FRMD5: variants seen among roughly 807,000 people sequenced by gnomAD.
FRMD5 encodes the protein FERM domain containing 5.
In FRMD5, 20 loss-of-function variants were observed where a neutral mutation model predicts 69.0. The ratio of observed to expected loss-of-function variants is 0.29; its 90% CI spans 0.20 to 0.42. The LOEUF (loss-of-function observed/expected upper bound fraction) is 0.42. FRMD5 is among the 10% of genes least tolerant of loss of function. The pLI is 1.00. For synonymous variants in FRMD5, 271 were observed against 260.1 expected, an observed-to-expected ratio of 1.04 and a Z score of -0.40; for missense variants, 595 against 708.6, an observed-to-expected ratio of 0.84 and a Z score of 1.82.
intron 1 of FRMD5, among the ~76,000 whole-genome samples, chr15:44,094,010 T>C (rs1382019732): frequency 2.0e-5 from 3 of 152,164 alleles, no homozygotes; most frequent in Admixed American, 2.0e-4. Context: ...TCAAAGACCA[T>C]ACCTCCACAT....
chr15:43,880,594 C>G (rs2088498593), intron 13 of FRMD5, among the ~76,000 whole-genome samples: 1 of 152,232 alleles, frequency 6.6e-6, no homozygotes, highest in Admixed American at 6.5e-5. Flanking sequence ...TCTCCCTCTC[C>G]TCACCCTGAG....
intron 6 of FRMD5, 72 bp from the exon 7 acceptor site, chr15:43,902,334 G>T: frequency 1.6e-6 from 2 of 1,257,834 alleles, no homozygotes; most frequent in Non-Finnish European, 1.2e-6. Flanking sequence ...AACTCTCTAT[G>T]AAGATGTGCT....
At chr15:44,082,092 A>G (rs1396431122) in intron 1 of FRMD5, among the ~76,000 whole-genome samples, 1 of 152,014 alleles carries the variant, frequency 6.6e-6, no homozygotes, top group African/African-American at 2.4e-5. Context: ...TTTTATTTTT[A>G]TAAATACCAA....
chr15:44,168,447 A>G (rs542142387), intron 1 of FRMD5, among the ~76,000 whole-genome samples: 1 of 152,342 alleles, frequency 6.6e-6, no homozygotes, highest in South Asian at 2.1e-4. Context: ...AGACTTGCTC[A>G]GTGCCAAATT....
At chr15:44,121,800 G>C (rs781154202) in intron 1 of FRMD5, among the ~76,000 whole-genome samples, 7 of 151,958 alleles carry the variant, frequency 4.6e-5, no homozygotes, top group Non-Finnish European at 1.0e-4. Flanking sequence ...TTCGAGACCA[G>C]CCTGGCCAAT....
At chr15:44,108,274 G>A (rs1366248157) in intron 1 of FRMD5, among the ~76,000 whole-genome samples, 1 of 152,148 alleles carries the variant, frequency 6.6e-6, no homozygotes, top group Non-Finnish European at 1.5e-5. Context: ...GAGAGGCTGA[G>A]GTGGAAGGAT....
At chr15:43,991,187 G>A (rs1444593470) in intron 1 of FRMD5, among the ~76,000 whole-genome samples, 4 of 152,202 alleles carry the variant, frequency 2.6e-5, no homozygotes, top group African/African-American at 7.2e-5. Flanking sequence ...TATTTTACCC[G>A]AAGCTGCCAA....
At chr15:44,174,477 AC>A (rs1400525397) in intron 1 of FRMD5, among the ~76,000 whole-genome samples, 1 of 152,178 alleles carries the variant, frequency 6.6e-6, no homozygotes, top group Admixed American at 6.5e-5. Flanking sequence ...CAGTTGTGCC[AC>A]ATTTCCCACA....
intron 1 of FRMD5, among the ~76,000 whole-genome samples, chr15:44,123,577 T>C (rs1348911652): frequency 2.0e-5 from 3 of 152,092 alleles, no homozygotes; most frequent in African/African-American, 7.2e-5. Context: ...TAGAATTAAA[T>C]ATTTTTTAAA....
chr15:44,087,972 A>G (rs530643832), intron 1 of FRMD5, among the ~76,000 whole-genome samples: 5 of 152,288 alleles, frequency 3.3e-5, no homozygotes, highest in Admixed American at 1.3e-4. Flanking sequence ...TTGTCTGAGA[A>G]TTCTGTCCTG....
chr15:44,168,587 A>G (rs1192748577), intron 1 of FRMD5, among the ~76,000 whole-genome samples: 1 of 152,202 alleles, frequency 6.6e-6, no homozygotes, highest in East Asian at 1.9e-4. Context: ...CTTTTCTTTA[A>G]CAACTCTACT....
intron 1 of FRMD5, among the ~76,000 whole-genome samples, chr15:43,996,556 A>G (rs912692640): frequency 2.0e-5 from 3 of 152,014 alleles, no homozygotes; most frequent in Non-Finnish European, 4.4e-5. Flanking sequence ...TCATGCATGG[A>G]TAGTTGTTTA....
intron 1 of FRMD5, among the ~76,000 whole-genome samples, chr15:44,017,291 T>C (rs1311715041): frequency 6.6e-6 from 1 of 151,116 alleles, no homozygotes; most frequent in African/African-American, 2.4e-5. Context: ...TGAGCCAAGA[T>C]AGCGCCACTG....
At chr15:43,948,569 G>C (rs927282728) in intron 1 of FRMD5, among the ~76,000 whole-genome samples, 3 of 152,206 alleles carry the variant, frequency 2.0e-5, no homozygotes, top group Non-Finnish European at 4.4e-5. Flanking sequence ...GAATCATGTA[G>C]CAATTACAAG....
chr15:43,950,777 C>T (rs1035465899), intron 1 of FRMD5, among the ~76,000 whole-genome samples: 3 of 152,226 alleles, frequency 2.0e-5, no homozygotes, highest in Non-Finnish European at 2.9e-5. Flanking sequence ...TTTACTCCAG[C>T]TGCCTTGCTC....
In FRMD5 at chr15:43,921,492, G is replaced by A. The variant is rs116229184; in HGVS notation, c.208-1683C>T. On this transcript the variant is annotated intron_variant, in intron 2 of 13. Coordinates refer to ENST00000417257, the MANE Select transcript of FRMD5 (RefSeq NM_032892.5). ...GACTGAGGCTGGAGGATAGTAGCAA[G>A]GGGTGAGAAGGGACTGAAGAGCTGT... Among the ~76,000 whole-genome samples, 704 of 152,300 alleles carry A rather than the reference G, an allele frequency of 4.6e-3. 10 individuals are homozygous for A. The highest frequency in any genetic ancestry group is 0.016 in the African/African-American group (671 of 41,564).
chr15:44,051,832 T>C (rs1892680572), intron 1 of FRMD5, among the ~76,000 whole-genome samples: 1 of 152,188 alleles, frequency 6.6e-6, no homozygotes, highest in South Asian at 2.1e-4. Flanking sequence ...GAGGAAGAAC[T>C]TATAGGGAGG....
At chr15:43,894,346 G>C (rs1192648051) in intron 7 of FRMD5, among the ~76,000 whole-genome samples, 3 of 152,016 alleles carry the variant, frequency 2.0e-5, no homozygotes, top group Non-Finnish European at 4.4e-5. Flanking sequence ...TGCAGGCTTA[G>C]AAAGAAAGAG....
At chr15:44,075,874 G>A (rs1441918005) in intron 1 of FRMD5, among the ~76,000 whole-genome samples, 1 of 152,006 alleles carries the variant, frequency 6.6e-6, no homozygotes, top group Non-Finnish European at 1.5e-5. Context: ...GTGTGAGATG[G>A]TATCTCATTG....
Sources: allele counts gnomAD v4.1 joint callset (sites outside exome capture counted in the v4.1 genomes callset), GRCh38; gene constraint gnomAD v4.1.1; transcripts MANE v1.5; gene names NCBI Gene and HGNC (gene_info 2026-07-23, HGNC 2026-07-21).